PGM1: variants seen among roughly 807,000 people sequenced by gnomAD.
PGM1 encodes phosphoglucomutase-1.
In PGM1, 52 loss-of-function variants were observed where a neutral mutation model predicts 55.6. The observed-to-expected ratio is 0.94, with a 90% CI of 0.75 to 1.18. The LOEUF is 1.18. PGM1 is among the 50% of genes most tolerant of loss of function. PGM1 has a pLI of 0.00. For synonymous variants in PGM1, 287 were observed against 271.7 expected (o/e 1.06, Z -0.55); for missense variants, 724 against 729.3 (o/e 0.99, Z 0.08).
chr1:63,623,031 T>A (rs1469206365), intron 1 of PGM1: 5 of 170,280 alleles, frequency 2.9e-5, no homozygotes, highest in Admixed American at 2.3e-4. Context: ...CAAATCTGCT[T>A]CGTGGGACTG....
intron 1 of PGM1, among the ~76,000 whole-genome samples, chr1:63,605,600 C>A (rs1055919907): frequency 6.6e-6 from 1 of 151,894 alleles, no homozygotes; most frequent in Non-Finnish European, 1.5e-5. Context: ...TTTTTTGAGA[C>A]AGGGTCTCAC....
chr1:63,636,614 A>G (rs897547751), intron 6 of PGM1, among the ~76,000 whole-genome samples: 3 of 151,660 alleles, frequency 2.0e-5, no homozygotes, highest in African/African-American at 7.3e-5. Context: ...CACTTACCAC[A>G]CTGTGTTCTA....
intron 7 of PGM1, among the ~76,000 whole-genome samples, chr1:63,647,197 C>G (rs759689896): frequency 1.7e-4 from 26 of 148,588 alleles, no homozygotes; most frequent in Non-Finnish European, 3.6e-4. Flanking sequence ...GAGCCAAGAT[C>G]ATGCCACTTT....
intron 1 of PGM1, among the ~76,000 whole-genome samples, chr1:63,618,583 A>G (rs1244710966): frequency 6.6e-6 from 1 of 152,062 alleles, no homozygotes; most frequent in Non-Finnish European, 1.5e-5. Context: ...TTTGTATCCT[A>G]TGTGATATAT....
chr1:63,594,713 T>TG (rs1437679685), intron 1 of PGM1, among the ~76,000 whole-genome samples: 12 of 141,422 alleles, frequency 8.5e-5, no homozygotes, highest in African/African-American at 2.9e-4. Flanking sequence ...AGGCTGAGGG[T>TG]GGTGGATCAC....
At chr1:63,616,065 A>T (rs1002815054) in intron 1 of PGM1, among the ~76,000 whole-genome samples, 1 of 151,956 alleles carries the variant, frequency 6.6e-6, no homozygotes, top group Non-Finnish European at 1.5e-5. Flanking sequence ...GCGATTCCTT[A>T]ACTGGTTCTC....
In PGM1 at chr1:63,633,925, TATATATA is replaced by T. The variant is rs1385920726; in HGVS notation, c.683-903_683-897del. On this transcript the variant is annotated intron_variant, in intron 4 of 10. Coordinates refer to ENST00000371084, the MANE Select transcript of PGM1 (RefSeq NM_002633.3). Reference sequence around the variant, plus strand: ...GTGTGTGTGTGTGTGTGTGTATATATATATATATTTTTTTTTTTTTTTTTTTTTTTTT... The same window carrying T: ...GTGTGTGTGTGTGTGTGTGTATATATTTTTTTTTTTTTTTTTTTTTTTTTT... 4.3e-4 allele frequency among the ~76,000 whole-genome samples: 45 copies of T among 104,918 alleles called. 2 individuals are homozygous for T. Among genetic ancestry groups the T allele is most frequent in the African/African-American group, 2.0e-3 (37 of 18,484 alleles). The allele number at this position is 104,918 out of a possible 152,430, so 68.8% of individuals were successfully genotyped here. A position where few individuals can be genotyped will look rare whatever the true frequency, so the allele number is the denominator to read the frequency against.
At chr1:63,617,874 G>T (rs1392859352) in intron 1 of PGM1, among the ~76,000 whole-genome samples, 1 of 147,162 alleles carries the variant, frequency 6.8e-6, no homozygotes, top group Non-Finnish European at 1.5e-5. Context: ...TTCTCAGTGT[G>T]TGTGGTTTTT....
At chr1:63,638,942 A>G in intron 7 of PGM1, 142 bp downstream of exon 7, 1 of 737,300 alleles carries the variant, frequency 1.4e-6, no homozygotes, top group Non-Finnish European at 2.5e-6. Context: ...AACAACCCTG[A>G]TGAAATGTGC....
intron 8 of PGM1, among the ~76,000 whole-genome samples, chr1:63,649,633 C>T (rs1649753362): frequency 6.6e-6 from 1 of 152,144 alleles, no homozygotes; most frequent in Non-Finnish European, 1.5e-5. Flanking sequence ...TCTGGATAGT[C>T]AAGAAAGAAT....
intron 2 of PGM1, among the ~76,000 whole-genome samples, 168 bp from the exon 3 acceptor site, chr1:63,629,774 G>A (rs547849056): frequency 7.2e-5 from 11 of 152,208 alleles, no homozygotes; most frequent in Admixed American, 1.3e-4. Context: ...AGAGCCATGC[G>A]CAAATCTTCC....
rs1296392858 is a variant in PGM1, at chr1:63,593,676, G to A, written c.188G>A (p.Gly63Asp). The change falls in exon 1 of 11, where the codon GGC becomes GAC. Residue 63 changes from glycine to aspartate, a missense_variant. Gly to Asp is a moderately conservative substitution (Grantham distance 94, BLOSUM62 -1). Coordinates refer to ENST00000371084, the MANE Select transcript of PGM1 (RefSeq NM_002633.3). ...GCCACGCTGGTGGTGGGCGGGGACG[G>A]CCGGTTCTACATGAAGGAGGCCATC... The part of the protein sequence containing the change: ...QEATLVVGGD[G>D]RFYMKEAIQL... 2 of 1,606,200 alleles carry A rather than the reference G, an allele frequency of 1.2e-6. No homozygotes were observed. Among genetic ancestry groups the A allele is most frequent in the Non-Finnish European group, 1.7e-6 (2 of 1,177,130 alleles).
intron 1 of PGM1, among the ~76,000 whole-genome samples, chr1:63,611,980 G>C (rs749440757): frequency 6.6e-6 from 1 of 152,124 alleles, no homozygotes; most frequent in African/African-American, 2.4e-5. Flanking sequence ...AGCTGGACGT[G>C]GTGGCTCACG....
At chr1:63,630,124 A>G (rs747151371) in intron 3 of PGM1, 36 bp downstream of exon 3, 8 of 1,606,538 alleles carry the variant, frequency 5.0e-6, no homozygotes, top group South Asian at 3.3e-5. Flanking sequence ...GCCCACTCCT[A>G]TTTCCAAGTT....
intron 1 of PGM1, among the ~76,000 whole-genome samples, chr1:63,599,492 C>G (rs1053471211): frequency 9.9e-6 from 1 of 101,416 alleles, no homozygotes; most frequent in East Asian, 3.1e-4. Flanking sequence ...GCTGTAACCC[C>G]CACTTTAAAA....
At chr1:63,623,447 G>A (rs770844039) in intron 1 of PGM1, 32 of 1,609,104 alleles carry the variant, frequency 2.0e-5, no homozygotes, top group South Asian at 1.9e-4. Context: ...TGAGCCAGTC[G>A]GTGGAAGTGA....
At position 63,598,209 on chromosome 1, in the gene PGM1, A is replaced by C. The variant is rs1352814413; in HGVS notation, c.246+4475A>C. 4.6e-5 allele frequency among the ~76,000 whole-genome samples: 7 copies of C among 152,302 alleles called. No individual in the cohort carries two copies. The East Asian group carries it at 1.4e-3, about 29-fold the overall frequency. On this transcript the variant is annotated intron_variant, in intron 1 of 10. Transcript: ENST00000371084. ...GGCTGATCTCGAACTCATGGGCTCA[A>C]GCGATCTGCCTGCCTCGGCCTTGCC...
chr1:63,621,512 C>T (rs1191387883), intron 1 of PGM1, among the ~76,000 whole-genome samples: 1 of 152,088 alleles, frequency 6.6e-6, no homozygotes, highest in East Asian at 1.9e-4. Context: ...ACATGCCAGC[C>T]TAATTCACAA....
chr1:63,623,166 A>G, intron 1 of PGM1: 2 of 1,152,848 alleles, frequency 1.7e-6, no homozygotes, highest in Non-Finnish European at 2.2e-6. Context: ...ATGAGACAAA[A>G]ATAATTGAAG....
Sources: allele counts gnomAD v4.1 joint callset (sites outside exome capture counted in the v4.1 genomes callset), GRCh38; gene constraint gnomAD v4.1.1; transcripts MANE v1.5; gene names NCBI Gene and HGNC (gene_info 2026-07-23, HGNC 2026-07-21).